ZNF791: variants seen among roughly 807,000 people sequenced by gnomAD.
ZNF791 encodes zinc finger protein 791.
ZNF791 carries 4 observed loss-of-function variants against 11.5 expected under a neutral mutation model. The ratio of observed to expected loss-of-function variants is 0.35; its 90% CI spans 0.17 to 0.80. The LOEUF (loss-of-function observed/expected upper bound fraction) is 0.80. Ranked by LOEUF, ZNF791 falls within the 30% of genes least tolerant of loss-of-function variation. ZNF791 has a pLI of 0.53. For missense variants in ZNF791, 559 were observed against 699.4 expected, an observed-to-expected ratio of 0.80 and a Z score of 2.26; for synonymous variants, 212 against 228.1, an observed-to-expected ratio of 0.93 and a Z score of 0.64.
In ZNF791 at chr19:12,633,484, G is replaced by A. The variant is rs547202590; in HGVS notation, c.*4224G>A. 9 of 152,300 alleles carry A rather than the reference G, an allele frequency of 5.9e-5. No individual in the cohort carries two copies. Among genetic ancestry groups the A allele is most frequent in the Non-Finnish European group, 8.8e-5 (6 of 68,032 alleles). 9.4% of individuals were successfully genotyped at this position (152,300 alleles called of 1,614,324 possible). ...ACCCCACCATACAGGGAGACAGCCT[G>A]CTTCCTGCTCATTTTCCTGGTTATT... On this transcript the variant is annotated 3_prime_UTR_variant, in exon 4 of 4. Transcript: ENST00000343325.
chr19:12,629,364 A>G lies in ZNF791; in HGVS notation c.*104A>G. 1.1e-6 allele frequency: 1 copy of G among 882,266 alleles called. No homozygotes were observed. The highest frequency in any genetic ancestry group is 1.6e-6 in the Non-Finnish European group (1 of 618,918). The allele number at this position is 882,266 out of a possible 1,614,324, so 54.7% of individuals were successfully genotyped here. A position where few individuals can be genotyped will look rare whatever the true frequency, so the allele number is the denominator to read the frequency against. On this transcript the variant is annotated 3_prime_UTR_variant, in exon 4 of 4. Coordinates refer to ENST00000343325, the MANE Select transcript of ZNF791 (RefSeq NM_153358.3). ...AGAGAGAAATCCTGTCAATGTAAGTAATATAGAAAGCGAGATACAAGATGA... is the reference window on the plus strand; with the variant it reads ...AGAGAGAAATCCTGTCAATGTAAGTGATATAGAAAGCGAGATACAAGATGA...
At chr19:12,613,396 A>G (rs1429123815) in intron 1 of ZNF791, among the ~76,000 whole-genome samples, 1 of 151,896 alleles carries the variant, frequency 6.6e-6, no homozygotes, top group Non-Finnish European at 1.5e-5. Context: ...CCTGGCTAAC[A>G]TTGTGAAACC....
chr19:12,629,088 G>T lies in ZNF791; in HGVS notation c.1559G>T (p.Gly520Val). Residue 520 changes from glycine (G) to valine (V), a missense_variant, in exon 4 of 4, where the codon GGA becomes GTA. Coordinates refer to ENST00000343325, the MANE Select transcript of ZNF791 (RefSeq NM_153358.3). ...CAAGGACACATGAGAATGCATACTGGAGAGAAACCCTATAAATGTAAAGAA... is the reference window on the plus strand; with the variant it reads ...CAAGGACACATGAGAATGCATACTGTAGAGAAACCCTATAAATGTAAAGAA... ...SFQGHMRMHT[G>V]EKPYKCKECG... is the part of the protein sequence containing the mutation. The T allele has an allele frequency of 6.2e-7, 1 of 1,607,988 alleles. No homozygotes were observed. Among genetic ancestry groups the T allele is most frequent in the Non-Finnish European group, 8.5e-7 (1 of 1,177,554 alleles).
At chr19:12,623,579 C>G in intron 1 of ZNF791, 121 bp from the exon 2 acceptor site, 1 of 1,276,018 alleles carries the variant, frequency 7.8e-7, no homozygotes, top group Non-Finnish European at 1.1e-6. Context: ...ACATTTCTAA[C>G]AATTGAGTCA....
At chr19:12,616,615 C>T (rs1235378215) in intron 1 of ZNF791, among the ~76,000 whole-genome samples, 2 of 152,060 alleles carry the variant, frequency 1.3e-5, no homozygotes, top group African/African-American at 2.4e-5. Flanking sequence ...ATCGCTTGAG[C>T]CTAGGAGGCA....
In ZNF791 at chr19:12,629,564, G is replaced by A. The variant is rs2023473810; in HGVS notation, c.*304G>A. The A allele has an allele frequency of 1.0e-5, 2 of 193,138 alleles. No homozygotes were observed. Among genetic ancestry groups the A allele is most frequent in the Non-Finnish European group, 2.1e-5 (2 of 95,166 alleles). 12.0% of individuals were successfully genotyped at this position (193,138 alleles called of 1,614,324 possible). ...AAGTGTTTATGGTGCTGGTGTAAAC[G>A]TGCTGCACTTTCAGTTGTATAAAAG... On this transcript the variant is annotated 3_prime_UTR_variant, in exon 4 of 4. Coordinates refer to ENST00000343325, the MANE Select transcript of ZNF791 (RefSeq NM_153358.3).
Position 12,631,188 on chromosome 19 carries a change from C to G in ZNF791, c.*1928C>G, listed in dbSNP as rs1160766092. 4 of 152,162 alleles carry G rather than the reference C, an allele frequency of 2.6e-5. No individual in the cohort carries two copies. Among genetic ancestry groups the G allele is most frequent in the Admixed American group, 2.6e-4 (4 of 15,268 alleles). The allele number at this position is 152,162 out of a possible 1,614,324, so 9.4% of individuals were successfully genotyped here. On this transcript the variant is annotated 3_prime_UTR_variant, in exon 4 of 4. Transcript: ENST00000343325. ...CTCATAAATACTTAACATTTTGTTA[C>G]AATTTCCTACAGTGTTCAGTACAAC...
At chr19:12,625,687 A>G (rs2023415419) in intron 3 of ZNF791, among the ~76,000 whole-genome samples, 1 of 147,032 alleles carries the variant, frequency 6.8e-6, no homozygotes, top group African/African-American at 2.5e-5. Flanking sequence ...CAGGAGGCTG[A>G]GGCAGGAGAA....
intron 1 of ZNF791, among the ~76,000 whole-genome samples, chr19:12,612,892 A>G (rs1196660070): frequency 1.3e-5 from 2 of 150,486 alleles, no homozygotes; most frequent in Non-Finnish European, 2.9e-5. Context: ...GGCTTACTGC[A>G]ACCTCCGCAC....
rs1456832874 is a variant in ZNF791 at position 12,633,303 on chromosome 19, A to C, written c.*4043A>C. 6.6e-6 allele frequency: 1 copy of C among 152,024 alleles called. No homozygotes were observed. The highest frequency in any genetic ancestry group is 1.5e-5 in the Non-Finnish European group (1 of 68,026). 9.4% of individuals were successfully genotyped at this position (152,024 alleles called of 1,614,324 possible). On this transcript the variant is annotated 3_prime_UTR_variant, in exon 4 of 4. Transcript: ENST00000343325. The stretch of plus-strand genomic sequence containing the variant: ...AAGGACACCTGTGATAGGACAATAA[A>C]ATCTAGAGCTGGACGTGGCCCTCCT...
Sources: gnomAD v4.1 joint callset for allele counts (sites outside exome capture counted in the v4.1 genomes callset) on GRCh38, gnomAD v4.1.1 for gene constraint, MANE v1.5 for transcripts, NCBI Gene and HGNC (gene_info 2026-07-23, HGNC 2026-07-21) for gene names.